Variants in TGIF1 observed in about 807,000 individuals in gnomAD.
TGIF1 encodes the protein TGFB induced factor homeobox 1.
A neutral mutation model predicts 19.3 loss-of-function variants in TGIF1; 4 were observed. That is an observed-to-expected ratio of 0.21 (90% CI 0.10 to 0.47). The LOEUF (loss-of-function observed/expected upper bound fraction) is 0.47. Among genes scored for constraint, TGIF1 ranks in the 20% least tolerant of loss-of-function variants. The pLI is 0.98. For synonymous variants in TGIF1, 122 were observed against 129.3 expected (o/e 0.94, Z 0.38); for missense variants, 275 against 341.4 (o/e 0.81, Z 1.53).
At chr18:3,425,875 G>A (rs866929912) in intron 2 of TGIF1, among the ~76,000 whole-genome samples, 5 of 152,106 alleles carry the variant, frequency 3.3e-5, no homozygotes, top group Non-Finnish European at 5.9e-5. Flanking sequence ...AGGCAGTTAC[G>A]AGGACATCCA....
At chr18:3,447,405 C>T, upstream of TGIF1, among the ~76,000 whole-genome samples, 1 of 151,196 alleles carries the variant, frequency 6.6e-6, no homozygotes. Context: ...AGCAAGGCCC[C>T]GAGACTGGAA....
chr18:3,451,773 T>G lies in TGIF1; in HGVS notation c.16+1268T>G, dbSNP rs1016147904. 18 of 1,256,264 alleles carry G rather than the reference T, an allele frequency of 1.4e-5. No homozygotes were observed. The African/African-American group carries it at 2.8e-4, about 19-fold the overall frequency. The allele number at this position is 1,256,264 out of a possible 1,614,324, so 77.8% of individuals were successfully genotyped here. A position where few individuals can be genotyped will look rare whatever the true frequency, so the allele number is the denominator to read the frequency against. On this transcript the variant is annotated intron_variant, in intron 1 of 2. Transcript: ENST00000343820. The surrounding 1 kb of genome is among the most constrained non-coding windows in gnomAD (Gnocchi z 5.4). The stretch of plus-strand genomic sequence containing the variant: ...AACTCGGATCAACTGGCAGTCGTTG[T>G]TGGTAGAACGCCCTAAGGACCCCTC...
intron 2 of TGIF1, among the ~76,000 whole-genome samples, chr18:3,430,023 G>GCA (rs1438608261): frequency 2.6e-5 from 4 of 152,206 alleles, no homozygotes; most frequent in Non-Finnish European, 5.9e-5. Context: ...AGGCGTGGTG[G>GCA]TGGGCACCTG....
upstream of TGIF1, chr18:3,447,653 G>A (rs567223597): frequency 1.3e-6 from 2 of 1,487,054 alleles, no homozygotes; most frequent in South Asian, 1.1e-5. Flanking sequence ...CTACGGGAGC[G>A]GTTGGGCTGT....
rs111818038 is a variant in TGIF1, at chr18:3,458,145, T to G, written c.*205T>G. On this transcript the variant is annotated 3_prime_UTR_variant, in exon 3 of 3. Coordinates refer to ENST00000343820, the MANE Select transcript of TGIF1 (RefSeq NM_003244.4). ...GCTACTGTAGAAACAAAGGGTTTTC[T>G]TTTTTAAATGTTTCTTGGTAGATTA... 137 of 559,982 alleles carry G rather than the reference T, an allele frequency of 2.4e-4. 1 individual carries two copies. The highest frequency in any genetic ancestry group is 3.8e-4 in the Non-Finnish European group (121 of 320,934). 34.7% of individuals were successfully genotyped at this position (559,982 alleles called of 1,614,324 possible).
chr18:3,427,728 T>TA (rs1207809123), intron 2 of TGIF1, among the ~76,000 whole-genome samples: 1 of 151,408 alleles, frequency 6.6e-6, no homozygotes, highest in African/African-American at 2.4e-5. Context: ...GCCACCCGAG[T>TA]AACTGGGATT....
chr18:3,417,727 A>C (rs1000994788), intron 1 of TGIF1, among the ~76,000 whole-genome samples: 3 of 152,228 alleles, frequency 2.0e-5, no homozygotes, highest in Non-Finnish European at 4.4e-5. Context: ...ATTATTAAGA[A>C]ATATGTTATA....
chr18:3,418,734 G>A (rs2082363679), intron 2 of TGIF1: 1 of 152,188 alleles, frequency 6.6e-6, no homozygotes, highest in Admixed American at 6.6e-5. Context: ...GGAATAGTGA[G>A]AGATGGACTC....
At chr18:3,424,709 C>T (rs2082446676) in intron 2 of TGIF1, among the ~76,000 whole-genome samples, 1 of 152,172 alleles carries the variant, frequency 6.6e-6, no homozygotes, top group Admixed American at 6.5e-5. Flanking sequence ...TTGAGTTATT[C>T]ACCAATGGCC....
intron 1 of TGIF1, chr18:3,453,702 A>G (rs1366348345): frequency 2.5e-5 from 18 of 720,754 alleles, no homozygotes; most frequent in Admixed American, 1.9e-4. Context: ...AAAAAAAAAA[A>G]AAAAAAGAAC....
chr18:3,431,589 CT>C (rs1177075835), intron 2 of TGIF1, among the ~76,000 whole-genome samples: 1 of 152,028 alleles, frequency 6.6e-6, no homozygotes, highest in African/African-American at 2.4e-5. Flanking sequence ...GAAGGAAAAG[CT>C]TTTCCACAGA....
intron 2 of TGIF1, among the ~76,000 whole-genome samples, chr18:3,442,560 C>T (rs1568039736): frequency 6.6e-6 from 1 of 151,412 alleles, no homozygotes; most frequent in Non-Finnish European, 1.5e-5. Flanking sequence ...AAAGAATATA[C>T]AAAAAAAATC....
intron 2 of TGIF1, among the ~76,000 whole-genome samples, chr18:3,429,477 G>A (rs751545913): frequency 2.0e-4 from 30 of 152,038 alleles, no homozygotes; most frequent in Admixed American, 1.5e-3. Flanking sequence ...AAAATGGATA[G>A]TAAATGTTGC....
At chr18:3,422,321 A>T (rs35669386) in intron 2 of TGIF1, among the ~76,000 whole-genome samples, 5 of 145,466 alleles carry the variant, frequency 3.4e-5, no homozygotes, top group Admixed American at 6.7e-5. Flanking sequence ...AAAAAAAAAA[A>T]TTTGATAGAA....
chr18:3,445,506 T>G (rs539220155), upstream of TGIF1, among the ~76,000 whole-genome samples: 4 of 151,304 alleles, frequency 2.6e-5, no homozygotes, highest in Non-Finnish European at 5.9e-5. Flanking sequence ...GGGCGGATCA[T>G]GAGGTCAGGA....
At chr18:3,427,765 A>G (rs1362615775) in intron 2 of TGIF1, among the ~76,000 whole-genome samples, 2 of 151,706 alleles carry the variant, frequency 1.3e-5, no homozygotes, top group South Asian at 2.1e-4. Flanking sequence ...ACACCTGGCT[A>G]ATTTTTATAT....
intron 2 of TGIF1, among the ~76,000 whole-genome samples, chr18:3,445,171 G>T (rs897490814): frequency 1.3e-5 from 2 of 152,216 alleles, no homozygotes; most frequent in Non-Finnish European, 2.9e-5. Flanking sequence ...TAGGTCAGGT[G>T]ATCAGCGAAG....
intron 2 of TGIF1, among the ~76,000 whole-genome samples, chr18:3,419,233 C>T (rs1475392994): frequency 6.6e-6 from 1 of 152,006 alleles, no homozygotes; most frequent in East Asian, 1.9e-4. Context: ...AATTGGAAAA[C>T]CATTTGGAAA....
intron 2 of TGIF1, among the ~76,000 whole-genome samples, chr18:3,441,155 C>T (rs561560714): frequency 1.2e-4 from 18 of 152,204 alleles, no homozygotes; most frequent in South Asian, 6.2e-4. Flanking sequence ...TTCTTTTCTA[C>T]GGTTTGTATA....
Sources: gnomAD v4.1 joint callset for allele counts (sites outside exome capture counted in the v4.1 genomes callset) on GRCh38, gnomAD v4.1.1 for gene constraint, Gnocchi (gnomAD v3.1) non-coding constraint, MANE v1.5 for transcripts, NCBI Gene and HGNC (gene_info 2026-07-23, HGNC 2026-07-21) for gene names.